The following CCDC91 variants were observed in gnomAD, a reference collection of about 807,000 sequenced individuals.
CCDC91 encodes coiled-coil domain containing 91.
CCDC91 carries 48 observed loss-of-function variants against 63.2 expected under a neutral mutation model. The observed-to-expected ratio is 0.76, with a 90% confidence interval of 0.60 to 0.97. CCDC91 has a LOEUF of 0.97. Ranked by LOEUF, CCDC91 falls within the 50% of genes least tolerant of loss-of-function variation. The pLI is 0.00. For synonymous variants in CCDC91, 167 were observed against 165.8 expected (o/e 1.01, Z -0.06); for missense variants, 500 against 494.6 (o/e 1.01, Z -0.10).
At chr12:28,482,272 G>A (rs1951488483) in intron 11 of CCDC91, among the ~76,000 whole-genome samples, 1 of 144,308 alleles carries the variant, frequency 6.9e-6, no homozygotes. Flanking sequence ...AGCAGATGCT[G>A]AATAGTTTTA....
intron 8 of CCDC91, among the ~76,000 whole-genome samples, chr12:28,393,451 C>T (rs1946080783): frequency 6.6e-6 from 1 of 150,678 alleles, no homozygotes; most frequent in Non-Finnish European, 1.5e-5. Context: ...TGTTTATATG[C>T]TTTGAACCTC....
intron 1 of CCDC91, among the ~76,000 whole-genome samples, chr12:28,192,508 A>G (rs555289611): frequency 8.5e-4 from 129 of 152,262 alleles, no homozygotes; most frequent in Admixed American, 3.2e-3. Flanking sequence ...AAGTTTATCA[A>G]ATTTTCTTAT....
chr12:28,390,707 A>C (rs2139283976), intron 7 of CCDC91, among the ~76,000 whole-genome samples: 1 of 151,798 alleles, frequency 6.6e-6, no homozygotes, highest in Middle Eastern at 3.4e-3. Flanking sequence ...CTGCCTTGAG[A>C]CTCTTGACTT....
chr12:28,233,132 C>T (rs796987125), intron 1 of CCDC91, among the ~76,000 whole-genome samples: 15 of 151,942 alleles, frequency 9.9e-5, no homozygotes, highest in African/African-American at 3.4e-4. Flanking sequence ...GAGGGTGTAT[C>T]GTGTGCTGAG....
intron 7 of CCDC91, among the ~76,000 whole-genome samples, chr12:28,379,870 C>G (rs1170935774): frequency 2.0e-5 from 3 of 152,146 alleles, no homozygotes; most frequent in Non-Finnish European, 4.4e-5. Flanking sequence ...TTTATTGCAG[C>G]ACTATTCACA....
chr12:28,200,784 G>A (rs1468968646), intron 1 of CCDC91, among the ~76,000 whole-genome samples: 3 of 151,692 alleles, frequency 2.0e-5, no homozygotes, highest in Admixed American at 6.5e-5. Context: ...TCAATGAGCT[G>A]TTGGGTACAC....
rs140952804 is a variant in CCDC91 at position 28,197,351 on chromosome 12, C to T, written c.-15+6710C>T. ...CTTTTCTGCCTATACTATTTTGTTT[C>T]CACTGATCTATACAGAATTACTGAT... On this transcript the variant is annotated intron_variant, in intron 1 of 12. Coordinates refer to ENST00000536442, the MANE Select transcript of CCDC91 (RefSeq NM_018318.5). 3.4e-3 allele frequency among the ~76,000 whole-genome samples: 510 copies of T among 152,154 alleles called. 8 individuals are homozygous for T. The highest frequency in any genetic ancestry group is 1.7e-3 in the Non-Finnish European group (117 of 67,948).
In CCDC91 at chr12:28,466,455, T is replaced by TA. The variant is rs1950554565; in HGVS notation, c.1101+13805dup. 3.9e-5 allele frequency among the ~76,000 whole-genome samples: 6 copies of TA among 152,250 alleles called. No individual in the cohort carries two copies. In the South Asian group the frequency reaches 1.2e-3, roughly 32 times the overall value. ...AAGATCAAGGATAAAGAAAGCATCC[T>TA]AAAAGCAGCAAGCGAGAATAAGCAA... is the stretch of plus-strand genomic sequence containing the variant. On this transcript the variant is annotated intron_variant, in intron 11 of 12. Transcript: ENST00000536442.
At chr12:28,282,885 T>C (rs1463881214) in intron 3 of CCDC91, among the ~76,000 whole-genome samples, 6 of 152,096 alleles carry the variant, frequency 3.9e-5, no homozygotes, top group Non-Finnish European at 7.4e-5. Context: ...TTTTTACATA[T>C]GGTGAGAGAT....
chr12:28,431,161 G>A (rs1217606320), intron 8 of CCDC91, among the ~76,000 whole-genome samples: 3 of 152,060 alleles, frequency 2.0e-5, no homozygotes, highest in Admixed American at 6.6e-5. Flanking sequence ...ACTATTGGGT[G>A]AGTTTCCATA....
At chr12:28,545,798 T>TA (rs113739384) in intron 12 of CCDC91, among the ~76,000 whole-genome samples, 1 of 152,032 alleles carries the variant, frequency 6.6e-6, no homozygotes, top group Non-Finnish European at 1.5e-5. Flanking sequence ...TATATCCTCT[T>TA]AAAAAATTAC....
intron 11 of CCDC91, among the ~76,000 whole-genome samples, chr12:28,463,784 G>A (rs905796732): frequency 2.0e-5 from 3 of 151,992 alleles, no homozygotes; most frequent in Non-Finnish European, 4.4e-5. Context: ...AACAATAAAT[G>A]AACAAAAAAC....
intron 3 of CCDC91, among the ~76,000 whole-genome samples, chr12:28,268,351 C>T (rs950365533): frequency 2.6e-5 from 4 of 152,048 alleles, no homozygotes; most frequent in African/African-American, 9.7e-5. Flanking sequence ...GCGTGAGCCA[C>T]TGTGCCCAGC....
intron 1 of CCDC91, among the ~76,000 whole-genome samples, chr12:28,220,453 A>G (rs1943862312): frequency 6.6e-6 from 1 of 151,988 alleles, no homozygotes; most frequent in African/African-American, 2.4e-5. Context: ...AGCCAACAAT[A>G]TGTTTTTTAA....
At chr12:28,454,233 A>T (rs1190589994) in intron 11 of CCDC91, among the ~76,000 whole-genome samples, 1 of 152,080 alleles carries the variant, frequency 6.6e-6, no homozygotes, top group African/African-American at 2.4e-5. Context: ...TTGACTCTAT[A>T]TGTTGGTTTC....
At chr12:28,346,477 T>C (rs1420414200) in intron 6 of CCDC91, among the ~76,000 whole-genome samples, 1 of 152,188 alleles carries the variant, frequency 6.6e-6, no homozygotes, top group East Asian at 1.9e-4. Flanking sequence ...GGAGATGAGT[T>C]TCTGGGCCTA....
chr12:28,357,186 C>G (rs1247981707), intron 6 of CCDC91, among the ~76,000 whole-genome samples: 1 of 151,974 alleles, frequency 6.6e-6, no homozygotes, highest in East Asian at 1.9e-4. Flanking sequence ...TGGAAAGCAC[C>G]TTTATTTGTT....
chr12:28,323,005 A>G (rs896743892), intron 6 of CCDC91, among the ~76,000 whole-genome samples: 1 of 151,298 alleles, frequency 6.6e-6, no homozygotes, highest in Non-Finnish European at 1.5e-5. Context: ...TTTTAATTTA[A>G]AAAATTCTAT....
intron 7 of CCDC91, among the ~76,000 whole-genome samples, chr12:28,366,153 A>T (rs1037898344): frequency 7.1e-6 from 1 of 141,178 alleles, no homozygotes. Context: ...AGTACAGATT[A>T]AAAAAAAAAC....
Sources: allele counts gnomAD v4.1 joint callset (sites outside exome capture counted in the v4.1 genomes callset), GRCh38; gene constraint gnomAD v4.1.1; transcripts MANE v1.5; gene names NCBI Gene and HGNC (gene_info 2026-07-23, HGNC 2026-07-21).